Variants in KIF13A observed in about 807,000 individuals in gnomAD.
KIF13A encodes kinesin family member 13A.
In KIF13A, 79 loss-of-function variants were observed where a neutral mutation model predicts 212.2. The observed-to-expected ratio is 0.37, with a 90% CI of 0.31 to 0.45. KIF13A has a LOEUF of 0.45. KIF13A is among the 20% of genes least tolerant of loss of function. The pLI is 1.00. For synonymous variants in KIF13A, 789 were observed against 808.6 expected, an observed-to-expected ratio of 0.98 and a Z score of 0.41; for missense variants, 1,901 against 2,209.0, an observed-to-expected ratio of 0.86 and a Z score of 2.79.
chr6:17,802,597 T>C (rs529642223), intron 20 of KIF13A, among the ~76,000 whole-genome samples: 1 of 152,104 alleles, frequency 6.6e-6, no homozygotes, highest in East Asian at 1.9e-4. Flanking sequence ...GCCAAGCTTT[T>C]TTTTTTCTTT....
Position 17,800,000 on chromosome 6 carries a change from T to G in KIF13A, c.2568A>C (p.Val856=). The G allele has an allele frequency of 6.2e-7, 1 of 1,614,026 alleles. No homozygotes were observed. The highest frequency in any genetic ancestry group is 1.1e-5 in the South Asian group (1 of 91,086). ...NSSESGSLEV[V]DSSGEIIHRV... ...GGTGAATGATTTCCCCGCTGCTGTC[T>G]ACGACTTCAAGGCTCCCACTTTCAC... Residue 856 remains valine, a synonymous_variant, in exon 21 of 39, where the codon GTA becomes GTC. Transcript: ENST00000259711. The surrounding 1 kb of genome is among the most constrained non-coding windows in gnomAD (Gnocchi z 4.4).
At chr6:17,797,230 C>T (rs960807391) in intron 22 of KIF13A, among the ~76,000 whole-genome samples, 4 of 152,130 alleles carry the variant, frequency 2.6e-5, no homozygotes, top group South Asian at 4.2e-4. Flanking sequence ...GGGGTTTCAC[C>T]GTGTTAGCTA....
rs534831172 is a variant in KIF13A at position 17,883,944 on chromosome 6, T to C, written c.160-10507A>G. 4.6e-4 allele frequency among the ~76,000 whole-genome samples: 70 copies of C among 151,858 alleles called. No individual in the cohort carries two copies. Among genetic ancestry groups the C allele is most frequent in the African/African-American group, 1.5e-3 (62 of 41,426 alleles). ...TCCCATTGCTAAAAGGAAATAATAA[T>C]ATTAACAAAAAAAGAGAAGGAAATC... On this transcript the variant is annotated intron_variant, in intron 3 of 38. Transcript: ENST00000259711. The surrounding 1 kb of genome is among the most constrained non-coding windows in gnomAD (Gnocchi z 4.8).
chr6:17,877,144 CAAAAAAAA>C, intron 3 of KIF13A, among the ~76,000 whole-genome samples: 1 of 97,954 alleles, frequency 1.0e-5, no homozygotes, highest in East Asian at 3.7e-4. Context: ...TCTCTCTTGC[CAAAAAAAA>C]AAAAAAAAAA....
intron 2 of KIF13A, among the ~76,000 whole-genome samples, chr6:17,932,770 T>C (rs977431424): frequency 2.7e-5 from 4 of 150,768 alleles, no homozygotes; most frequent in Admixed American, 6.6e-5. Flanking sequence ...AGAGAGAGGG[T>C]TGAAGCGAGG....
intron 2 of KIF13A, among the ~76,000 whole-genome samples, chr6:17,935,833 T>C (rs1193906451): frequency 6.6e-6 from 1 of 152,202 alleles, no homozygotes; most frequent in Non-Finnish European, 1.5e-5. Context: ...AAGATAAAAT[T>C]ATTCATTTCC....
chr6:17,951,393 A>T lies in KIF13A; in HGVS notation c.146+35661T>A, dbSNP rs1370017836. On this transcript the variant is annotated intron_variant, in intron 2 of 38. Coordinates refer to ENST00000259711, the MANE Select transcript of KIF13A (RefSeq NM_022113.6). This position sits in a 1 kb window ranked among gnomAD's most constrained non-coding sequence, Gnocchi z 4.9. ...TGATCCTCTTGCCTTGGCCTCCCAA[A>T]GTGCTGGAATTAGAGATGTGAGCCA... 1.6e-6 allele frequency: 1 copy of T among 627,234 alleles called. No individual in the cohort carries two copies. Among genetic ancestry groups the T allele is most frequent in the East Asian group, 3.0e-5 (1 of 33,334 alleles). 38.9% of individuals were successfully genotyped at this position (627,234 alleles called of 1,614,324 possible).
At chr6:17,980,483 C>T (rs1205946027) in intron 2 of KIF13A, among the ~76,000 whole-genome samples, 2 of 151,908 alleles carry the variant, frequency 1.3e-5, no homozygotes, top group African/African-American at 2.4e-5. Context: ...GGGAGGCAAC[C>T]GCTCCAAGCC....
In KIF13A at chr6:17,843,813, G is replaced by C. The variant is rs1368804905; in HGVS notation, c.830+5564C>G. Among the ~76,000 whole-genome samples the C allele has an allele frequency of 6.6e-6, 1 of 152,158 alleles. No homozygotes were observed. Among genetic ancestry groups the C allele is most frequent in the Non-Finnish European group, 1.5e-5 (1 of 68,030 alleles). On this transcript the variant is annotated intron_variant, in intron 9 of 38. Coordinates refer to ENST00000259711, the MANE Select transcript of KIF13A (RefSeq NM_022113.6). The surrounding 1 kb of genome is among the most constrained non-coding windows in gnomAD (Gnocchi z 5.3). ...GTAATCCACCACTTTTGGAGGCCGA[G>C]GGGGGCACATCACCTGAGGTCAGGA... is the stretch of plus-strand genomic sequence containing the variant.
In KIF13A at chr6:17,850,417, G is replaced by A. The variant is rs1480118113; in HGVS notation, c.623C>T (p.Thr208Met). The change falls in exon 8 of 39, where the codon ACG becomes ATG. Residue 208 changes from threonine (T) to methionine (M), a missense_variant. Coordinates refer to ENST00000259711, the MANE Select transcript of KIF13A (RefSeq NM_022113.6). The surrounding 1 kb of genome is among the most constrained non-coding windows in gnomAD (Gnocchi z 6.2). ...TTCGTTCATGTTGGTAGCAGCTACC[G>A]TTCGAGACTTATTTCCCTCAGACAT... Reference protein sequence around the residue: ...SLMSEGNKSRTVAATNMNEES... With the variant: ...SLMSEGNKSRMVAATNMNEES... The A allele has an allele frequency of 3.1e-6, 5 of 1,613,678 alleles. No individual in the cohort carries two copies. The highest frequency in any genetic ancestry group is 3.4e-6 in the Non-Finnish European group (4 of 1,179,756).
At chr6:17,817,377 A>G (rs1365158023) in intron 16 of KIF13A, 144 bp from the exon 17 acceptor site, 2 of 660,994 alleles carry the variant, frequency 3.0e-6, no homozygotes, top group Non-Finnish European at 5.3e-6. Flanking sequence ...GAGGGGCCAC[A>G]TCAGGGAAAT....
chr6:17,959,297 C>T (rs1450373697), intron 2 of KIF13A, among the ~76,000 whole-genome samples: 2 of 152,116 alleles, frequency 1.3e-5, no homozygotes, highest in African/African-American at 4.8e-5. Flanking sequence ...ATAGAGACTG[C>T]ATGAAAAATA....
At chr6:17,827,515 A>ATT (rs35848228) in intron 14 of KIF13A, among the ~76,000 whole-genome samples, 17 of 142,538 alleles carry the variant, frequency 1.2e-4, no homozygotes, top group African/African-American at 4.4e-4. Flanking sequence ...TTCTCTCTAC[A>ATT]TTTTTTTTTT....
chr6:17,880,364 C>T (rs1770944675), intron 3 of KIF13A, among the ~76,000 whole-genome samples: 1 of 152,092 alleles, frequency 6.6e-6, no homozygotes, highest in East Asian at 1.9e-4. Context: ...CAGTGGCTCA[C>T]AGCTGTAATC....
At position 17,888,924 on chromosome 6, in the gene KIF13A, G is replaced by A. The variant is rs968986137; in HGVS notation, c.159+9244C>T. On this transcript the variant is annotated intron_variant, in intron 3 of 38. Transcript: ENST00000259711. The surrounding 1 kb of genome is among the most constrained non-coding windows in gnomAD (Gnocchi z 4.8). ...AAATCTTATATTCTTTTTCTTTCTT[G>A]TACCAAGTCTTCTAAATCTAGCATA... Among the ~76,000 whole-genome samples, 6 of 151,778 alleles carry A rather than the reference G, an allele frequency of 4.0e-5. No individual in the cohort carries two copies. The highest frequency in any genetic ancestry group is 3.9e-4 in the Admixed American group (6 of 15,226).
chr6:17,951,317 G>A lies in KIF13A; in HGVS notation c.146+35737C>T. On this transcript the variant is annotated intron_variant, in intron 2 of 38. Transcript: ENST00000259711. This position sits in a 1 kb window ranked among gnomAD's most constrained non-coding sequence, Gnocchi z 4.9. ...TAATTTTAAACAAATTTTTTGTAGA[G>A]ATGGGGTTTTGCCATGTTGCAAAGG... The A allele has an allele frequency of 3.2e-6, 2 of 617,568 alleles. No homozygotes were observed. The highest frequency in any genetic ancestry group is 1.8e-5 in the South Asian group (1 of 54,092). 38.3% of individuals were successfully genotyped at this position (617,568 alleles called of 1,614,324 possible).
At chr6:17,930,094 T>C (rs1367809549) in intron 2 of KIF13A, among the ~76,000 whole-genome samples, 1 of 152,212 alleles carries the variant, frequency 6.6e-6, no homozygotes, top group Non-Finnish European at 1.5e-5. Flanking sequence ...TATTATCCTT[T>C]TGCTCTCTGA....
rs1347683387 is a variant in KIF13A, at chr6:17,843,500, G to T, written c.830+5877C>A. ...CAAATTCAGCTGACAGAAGCCTGTG[G>T]TTTTTTGCCCTTCCTCCTTTTTCCT... is the stretch of plus-strand genomic sequence containing the variant. On this transcript the variant is annotated intron_variant, in intron 9 of 38. Transcript: ENST00000259711. The surrounding 1 kb of genome is among the most constrained non-coding windows in gnomAD (Gnocchi z 5.3). Among the ~76,000 whole-genome samples, 1 of 152,148 alleles carries T rather than the reference G, an allele frequency of 6.6e-6. No homozygotes were observed. Among genetic ancestry groups the T allele is most frequent in the Non-Finnish European group, 1.5e-5 (1 of 68,034 alleles).
intron 3 of KIF13A, among the ~76,000 whole-genome samples, chr6:17,878,048 C>G (rs1394553647): frequency 1.3e-5 from 2 of 152,206 alleles, no homozygotes; most frequent in Non-Finnish European, 2.9e-5. Context: ...CTATTACTTG[C>G]ATTATCTGTA....
Sources: gnomAD v4.1 joint callset for allele counts (sites outside exome capture counted in the v4.1 genomes callset) on GRCh38, gnomAD v4.1.1 for gene constraint, Gnocchi (gnomAD v3.1) non-coding constraint, MANE v1.5 for transcripts, NCBI Gene and HGNC (gene_info 2026-07-23, HGNC 2026-07-21) for gene names.